Variants in NFATC3 observed in about 807,000 individuals in gnomAD.
The protein encoded by NFATC3 is nuclear factor of activated T-cells, cytoplasmic 3.
In NFATC3, 46 loss-of-function variants were observed where a neutral mutation model predicts 98.6. The ratio of observed to expected loss-of-function variants is 0.47; its 90% CI spans 0.37 to 0.60. The LOEUF (loss-of-function observed/expected upper bound fraction) is 0.60. NFATC3 is among the 20% of genes least tolerant of loss of function. The probability of loss-of-function intolerance (pLI) is 0.00; values close to 1 mark genes in which losing one functional copy is unlikely to be tolerated. For missense variants in NFATC3, 1,256 were observed against 1,295.5 expected (o/e 0.97, Z 0.47); for synonymous variants, 512 against 472.2 (o/e 1.08, Z -1.09).
chr16:68,107,616 G>C (rs2035729333), intron 1 of NFATC3, among the ~76,000 whole-genome samples: 1 of 152,118 alleles, frequency 6.6e-6, no homozygotes, highest in Non-Finnish European at 1.5e-5. Flanking sequence ...CCAGCTACTT[G>C]GGAGGCTGAG....
intron 8 of NFATC3, among the ~76,000 whole-genome samples, chr16:68,187,943 G>A (rs1567540316): frequency 6.6e-6 from 1 of 152,108 alleles, no homozygotes; most frequent in Non-Finnish European, 1.5e-5. Flanking sequence ...TCCTGTTGCT[G>A]TTCATGGTGC....
chr16:68,186,086 A>G (rs1043270869), intron 8 of NFATC3, among the ~76,000 whole-genome samples: 2 of 152,136 alleles, frequency 1.3e-5, no homozygotes, highest in Admixed American at 1.3e-4. Context: ...ACAGAAGAAT[A>G]GACACACAGG....
At chr16:68,145,860 C>T (rs576424031) in intron 3 of NFATC3, among the ~76,000 whole-genome samples, 1 of 152,138 alleles carries the variant, frequency 6.6e-6, no homozygotes, top group East Asian at 1.9e-4. Context: ...TGAATAAGAC[C>T]TGTAGTCTAG....
intron 6 of NFATC3, among the ~76,000 whole-genome samples, 195 bp from the exon 7 acceptor site, chr16:68,181,280 T>C (rs2039939691): frequency 6.6e-6 from 1 of 152,206 alleles, no homozygotes; most frequent in Non-Finnish European, 1.5e-5. Flanking sequence ...TGGGATCTGC[T>C]AACCTGGGCA....
At chr16:68,168,294 C>G (rs920066621) in intron 5 of NFATC3, among the ~76,000 whole-genome samples, 2 of 151,938 alleles carry the variant, frequency 1.3e-5, no homozygotes, top group African/African-American at 4.8e-5. Context: ...TCCTGAGTAG[C>G]CGGGGCTACA....
intron 9 of NFATC3, among the ~76,000 whole-genome samples, chr16:68,199,019 G>A (rs930386290): frequency 1.3e-5 from 2 of 151,782 alleles, no homozygotes; most frequent in African/African-American, 4.8e-5. Context: ...CTGCACTCCA[G>A]CCTGGCAACA....
chr16:68,169,004 C>A (rs557995286), intron 5 of NFATC3, among the ~76,000 whole-genome samples: 1 of 152,122 alleles, frequency 6.6e-6, no homozygotes, highest in Non-Finnish European at 1.5e-5. Context: ...AAGCTGGTCT[C>A]GAACTCCTGG....
In NFATC3 at chr16:68,085,712, G is replaced by A. The variant is rs1343104086; in HGVS notation, c.31G>A (p.Glu11Lys). 1 of 1,515,812 alleles carries A rather than the reference G, an allele frequency of 6.6e-7. No individual in the cohort carries two copies. The highest frequency in any genetic ancestry group is 1.2e-5 in the South Asian group (1 of 81,440). 93.9% of individuals were successfully genotyped at this position (1,515,812 alleles called of 1,614,324 possible). The change falls in exon 1 of 10, where the codon GAG becomes AAG. Residue 11 changes from glutamate (E) to lysine (K), a missense_variant. Glu to Lys is a moderately conservative substitution (Grantham distance 56). Around this residue, in one of 3 missense-constraint regions of NFATC3, gnomAD observed 464 missense variants for 465.7 expected, o/e 1.00. Coordinates refer to ENST00000346183, the MANE Select transcript of NFATC3 (RefSeq NM_173165.3). MTTANCGAHD[E>K]LDFKLVFGED... Reference sequence around the variant, plus strand: ...TACTGCAAACTGTGGCGCCCACGACGAGCTCGACTTCAAACTCGTCTTTGG... The same window carrying A: ...TACTGCAAACTGTGGCGCCCACGACAAGCTCGACTTCAAACTCGTCTTTGG...
chr16:68,220,634 A>T (rs1273468486), intron 9 of NFATC3, among the ~76,000 whole-genome samples: 1 of 147,688 alleles, frequency 6.8e-6, no homozygotes, highest in African/African-American at 2.5e-5. Flanking sequence ...CCGGCCGGGC[A>T]GGGTGGCTCA....
At chr16:68,131,906 A>G (rs1197456391) in intron 3 of NFATC3, among the ~76,000 whole-genome samples, 6 of 152,266 alleles carry the variant, frequency 3.9e-5, no homozygotes, top group African/African-American at 9.6e-5. Context: ...ACTCTTCTCA[A>G]TTGCTGGAGA....
intron 5 of NFATC3, among the ~76,000 whole-genome samples, chr16:68,170,356 C>T (rs1176581321): frequency 2.2e-5 from 3 of 138,198 alleles, no homozygotes; most frequent in African/African-American, 8.3e-5. Context: ...TGCCGTTGTA[C>T]TTCATCCTGG....
chr16:68,094,339 T>A (rs772922217), intron 1 of NFATC3, among the ~76,000 whole-genome samples: 1 of 151,984 alleles, frequency 6.6e-6, no homozygotes, highest in Non-Finnish European at 1.5e-5. Context: ...TAAACCTGAA[T>A]GAGGAAAAAT....
chr16:68,184,524 C>T lies in NFATC3; in HGVS notation c.2098+1158C>T, dbSNP rs564352710. 3.9e-5 allele frequency among the ~76,000 whole-genome samples: 6 copies of T among 152,168 alleles called. No homozygotes were observed. In the East Asian group the frequency reaches 5.8e-4, roughly 15 times the overall value. ...AATGTTTGAAATAGTTTCTGTAGGCCGGGCGCTGTGGCTCACACTTTGTAA... is the reference window on the plus strand; with the variant it reads ...AATGTTTGAAATAGTTTCTGTAGGCTGGGCGCTGTGGCTCACACTTTGTAA... On this transcript the variant is annotated intron_variant, in intron 8 of 9. Transcript: ENST00000346183.
In NFATC3 at chr16:68,157,854, C is replaced by T. The variant is rs762284805; in HGVS notation, c.1402-15C>T. On this transcript the variant is annotated splice_polypyrimidine_tract_variant and intron_variant, in intron 3 of 9. Transcript: ENST00000346183. ...TAATGAATTGTGCTTTTCTGTGTTT[C>T]TTTTTCCTGATTAGCTCCTGGGCTA... 6.2e-7 allele frequency: 1 copy of T among 1,604,668 alleles called. No individual in the cohort carries two copies. Among genetic ancestry groups the T allele is most frequent in the Admixed American group, 1.7e-5 (1 of 58,784 alleles).
chr16:68,117,162 T>C (rs975963226), intron 1 of NFATC3, among the ~76,000 whole-genome samples: 6 of 152,162 alleles, frequency 3.9e-5, no homozygotes, highest in Non-Finnish European at 7.4e-5. Context: ...TTATGCTGTA[T>C]ATTTTGAGTG....
intron 9 of NFATC3, among the ~76,000 whole-genome samples, chr16:68,203,872 G>T (rs2041030968): frequency 6.6e-6 from 1 of 152,010 alleles, no homozygotes; most frequent in Admixed American, 6.6e-5. Flanking sequence ...CCAACATGGT[G>T]AAACTTCGTC....
intron 3 of NFATC3, among the ~76,000 whole-genome samples, chr16:68,145,666 A>G (rs1480971867): frequency 6.6e-6 from 1 of 152,234 alleles, no homozygotes; most frequent in Non-Finnish European, 1.5e-5. Flanking sequence ...AGAACTGTAG[A>G]GATGGACAAT....
intron 6 of NFATC3, among the ~76,000 whole-genome samples, chr16:68,174,894 G>T (rs1264070900): frequency 6.6e-6 from 1 of 152,136 alleles, no homozygotes; most frequent in Non-Finnish European, 1.5e-5. Context: ...CTGAAAAGTA[G>T]AATTCCCCCA....
chr16:68,136,192 G>A (rs527730117), intron 3 of NFATC3, among the ~76,000 whole-genome samples: 1 of 152,098 alleles, frequency 6.6e-6, no homozygotes. Flanking sequence ...TTGTAGGTTC[G>A]TGCTGCTATT....
Sources: gnomAD v4.1 joint callset for allele counts (sites outside exome capture counted in the v4.1 genomes callset) on GRCh38, gnomAD v4.1.1 for gene constraint, gnomAD v4.1.1 regional missense constraint, MANE v1.5 for transcripts, NCBI Gene and HGNC (gene_info 2026-07-23, HGNC 2026-07-21) for gene names.